TRIM5: variants seen among roughly 807,000 people sequenced by gnomAD.
TRIM5 encodes tripartite motif-containing protein 5.
TRIM5 carries 31 observed loss-of-function variants against 35.6 expected under a neutral mutation model. The ratio of observed to expected loss-of-function variants is 0.87; its 90% confidence interval spans 0.65 to 1.18. The LOEUF (loss-of-function observed/expected upper bound fraction) is 1.18. TRIM5 is among the 50% of genes most tolerant of loss of function. The probability of loss-of-function intolerance (pLI) is 0.00; values close to 1 mark genes in which losing one functional copy is unlikely to be tolerated. For synonymous variants in TRIM5, 243 were observed against 215.6 expected (o/e 1.13, Z -1.11); for missense variants, 609 against 591.6 (o/e 1.03, Z -0.31).
chr11:5,634,938 A>G, the TRIM5 span: 2 of 1,495,748 alleles, frequency 1.3e-6, no homozygotes, highest in Non-Finnish European at 1.8e-6. Flanking sequence ...CCTGGTGGTG[A>G]CACTAAGGGG....
chr11:5,612,588 CTCTT>C, the TRIM5 span: 5 of 152,200 alleles, frequency 3.3e-5, no homozygotes, highest in African/African-American at 1.2e-4. Context: ...TTTCCACACT[CTCTT>C]TATGCGCAGG....
the TRIM5 span, among the ~76,000 whole-genome samples, chr11:5,591,634 G>A: frequency 5.3e-5 from 8 of 151,032 alleles, no homozygotes; most frequent in South Asian, 4.2e-4. Flanking sequence ...GGCAAAAAGG[G>A]CAAAAACTCC....
chr11:5,682,339 T>G (rs960988572), intron 1 of TRIM5, among the ~76,000 whole-genome samples: 9 of 152,102 alleles, frequency 5.9e-5, no homozygotes, highest in African/African-American at 9.7e-5. Flanking sequence ...GTATCTCACC[T>G]AAGCTCTGCT....
the TRIM5 span, among the ~76,000 whole-genome samples, chr11:5,606,115 G>T: frequency 6.6e-6 from 1 of 152,206 alleles, no homozygotes; most frequent in Non-Finnish European, 1.5e-5. Flanking sequence ...TTTGCCAAGT[G>T]CTTCTTACCC....
chr11:5,678,260 C>T lies in TRIM5; in HGVS notation c.688G>A (p.Glu230Lys). Residue 230 changes from glutamate (E) to lysine (K), a missense_variant, in exon 4 of 8, where the codon GAG becomes AAG. Physicochemically the swap from Glu to Lys is moderately conservative, Grantham distance 56. Transcript: ENST00000380034. ...CGATGCTCCAGATCTGAGATGAGCTCTCTCAGGGACTGGGTCTGCTGCACC... is the reference window on the plus strand; with the variant it reads ...CGATGCTCCAGATCTGAGATGAGCTTTCTCAGGGACTGGGTCTGCTGCACC... The part of the protein sequence containing the change: ...EMVQQTQSLR[E>K]LISDLEHRLQ... 6.2e-7 allele frequency: 1 copy of T among 1,614,128 alleles called. No homozygotes were observed. The highest frequency in any genetic ancestry group is 8.5e-7 in the Non-Finnish European group (1 of 1,179,970).
the TRIM5 span, chr11:5,633,831 C>A: frequency 3.7e-6 from 6 of 1,613,982 alleles, no homozygotes; most frequent in Non-Finnish European, 5.1e-6. Context: ...CCTCAAGAGG[C>A]TGAAGAAGGA....
the TRIM5 span, chr11:5,632,325 CA>C: frequency 1.4e-5 from 23 of 1,613,948 alleles, no homozygotes; most frequent in Non-Finnish European, 1.9e-5. Context: ...GCCAGGGAAG[CA>C]GTGCAATGGC....
the TRIM5 span, chr11:5,643,125 A>ATATATATATT: frequency 9.6e-5 from 94 of 974,400 alleles, no homozygotes; most frequent in Non-Finnish European, 1.1e-4. Context: ...ATATATATAT[A>ATATATATATT]TTTTTTTTTT....
chr11:5,666,514 T>C (rs1851151649), intron 5 of TRIM5, among the ~76,000 whole-genome samples: 1 of 152,160 alleles, frequency 6.6e-6, no homozygotes, highest in African/African-American at 2.4e-5. Flanking sequence ...GAAAGTGAGG[T>C]TGCAGAACCT....
the TRIM5 span, chr11:5,643,383 T>A: frequency 1.9e-6 from 3 of 1,614,026 alleles, no homozygotes; most frequent in African/African-American, 4.0e-5. Context: ...TGTTAGAAGA[T>A]GTGCAAATCG....
chr11:5,605,350 C>T, the TRIM5 span: 1 of 1,613,934 alleles, frequency 6.2e-7, no homozygotes. Context: ...CAGATGGAGC[C>T]TGAGAGATGC....
the TRIM5 span, among the ~76,000 whole-genome samples, chr11:5,613,299 G>C: frequency 6.6e-6 from 1 of 152,326 alleles, no homozygotes; most frequent in East Asian, 1.9e-4. Flanking sequence ...GGCCCCTGCC[G>C]TTAGTCCTCA....
At chr11:5,643,442 A>G in the TRIM5 span, 2,033 of 1,614,226 alleles carry the variant, frequency 1.3e-3, 5 homozygotes, top group Non-Finnish European at 1.6e-3. Flanking sequence ...ACTGGGTTAT[A>G]GGGTTACAGA....
At chr11:5,652,052 G>T in the TRIM5 span, among the ~76,000 whole-genome samples, 9 of 152,072 alleles carry the variant, frequency 5.9e-5, no homozygotes, top group African/African-American at 1.7e-4. Flanking sequence ...TTAACCGTTT[G>T]TCAGGTGGAT....
downstream of TRIM5, among the ~76,000 whole-genome samples, chr11:5,659,079 C>T (rs1001273336): frequency 3.9e-5 from 6 of 151,926 alleles, no homozygotes; most frequent in Non-Finnish European, 7.4e-5. Flanking sequence ...TGCACCAAAC[C>T]AACACGGCAC....
downstream of TRIM5, among the ~76,000 whole-genome samples, chr11:5,659,441 A>G (rs1850741461): frequency 6.6e-6 from 1 of 152,218 alleles, no homozygotes; most frequent in African/African-American, 2.4e-5. Flanking sequence ...GCTAGGTGTC[A>G]AGTTGTTCTG....
At chr11:5,611,099 T>C in the TRIM5 span, 1 of 1,614,200 alleles carries the variant, frequency 6.2e-7, no homozygotes, top group Non-Finnish European at 8.5e-7. Flanking sequence ...GGTTACAGCA[T>C]AACCATGAAT....
chr11:5,642,552 G>A, the TRIM5 span: 62 of 1,603,250 alleles, frequency 3.9e-5, no homozygotes, highest in African/African-American at 1.3e-5. Context: ...TTGTTGTGGT[G>A]TCAGGTAATA....
intron 4 of TRIM5, among the ~76,000 whole-genome samples, chr11:5,673,848 T>C (rs1267002126): frequency 1.3e-5 from 2 of 151,462 alleles, no homozygotes; most frequent in Non-Finnish European, 2.9e-5. Flanking sequence ...ACAAAGAAAA[T>C]TAGAAAATAC....
Sources: gnomAD v4.1 joint callset for allele counts (sites outside exome capture counted in the v4.1 genomes callset) on GRCh38, gnomAD v4.1.1 for gene constraint, MANE v1.5 for transcripts, NCBI Gene and HGNC (gene_info 2026-07-23, HGNC 2026-07-21) for gene names.